OR6N1: variants seen among roughly 807,000 people sequenced by gnomAD.
OR6N1 encodes olfactory receptor 6N1.
For synonymous variants in OR6N1, 170 were observed against 150.7 expected (o/e 1.13, Z -0.94); for missense variants, 394 against 371.7 (o/e 1.06, Z -0.49).
the OR6N1 span, among the ~76,000 whole-genome samples, chr1:158,823,969 C>A: frequency 6.6e-5 from 10 of 152,002 alleles, no homozygotes; most frequent in Non-Finnish European, 1.3e-4. Flanking sequence ...ACTATTTATC[C>A]AAAGGTCAAT....
chr1:158,776,692 G>A (rs767540081), upstream of OR6N1: 1 of 1,591,564 alleles, frequency 6.3e-7, no homozygotes, highest in Non-Finnish European at 8.6e-7. Flanking sequence ...TCAAAGATGA[G>A]CAAGACTAGC....
At chr1:158,779,950 T>C in the OR6N1 span, among the ~76,000 whole-genome samples, 1 of 152,242 alleles carries the variant, frequency 6.6e-6, no homozygotes, top group Non-Finnish European at 1.5e-5. Flanking sequence ...TTAATTATTA[T>C]ATATTTCCCT....
chr1:158,772,616 A>G (rs12096284), upstream of OR6N1, among the ~76,000 whole-genome samples: 60,146 of 152,024 alleles, frequency 0.4, 12,624 homozygotes, highest in East Asian at 0.55. Flanking sequence ...GGACATAAAT[A>G]TCATCAAGAC....
chr1:158,791,976 A>G, the OR6N1 span, among the ~76,000 whole-genome samples: 91 of 152,278 alleles, frequency 6.0e-4, no homozygotes, highest in Non-Finnish European at 1.0e-3. Flanking sequence ...TTATCTGTCT[A>G]GTGCTGCCAG....
the OR6N1 span, among the ~76,000 whole-genome samples, chr1:158,787,356 A>G: frequency 6.6e-6 from 1 of 151,980 alleles, no homozygotes; most frequent in Non-Finnish European, 1.5e-5. Context: ...AATTAATCTC[A>G]AGTCCCAGTC....
chr1:158,804,272 G>T, the OR6N1 span, among the ~76,000 whole-genome samples: 1 of 152,102 alleles, frequency 6.6e-6, no homozygotes, highest in Admixed American at 6.6e-5. Flanking sequence ...TCTGCATGTG[G>T]TTTACTTTTT....
the OR6N1 span, among the ~76,000 whole-genome samples, chr1:158,820,563 T>A: frequency 1.3e-5 from 2 of 152,242 alleles, no homozygotes; most frequent in African/African-American, 4.8e-5. Flanking sequence ...GTTAGCATCA[T>A]AGTTACACAT....
In OR6N1 at chr1:158,765,675, T is replaced by C. The variant is rs1474140109; in HGVS notation, c.*69A>G. 17 of 1,288,188 alleles carry C rather than the reference T, an allele frequency of 1.3e-5. No individual in the cohort carries two copies. Among genetic ancestry groups the C allele is most frequent in the Non-Finnish European group, 2.2e-6 (2 of 916,940 alleles). 79.8% of individuals were successfully genotyped at this position (1,288,188 alleles called of 1,614,324 possible). The stretch of plus-strand genomic sequence containing the variant: ...AGCACTGAATTTTTAGTTTCTCGTC[T>C]CTGGCCACTGTTGATCCCTGGGGCC... On this transcript the variant is annotated 3_prime_UTR_variant, in exon 2 of 2. Transcript: ENST00000641846.
the OR6N1 span, among the ~76,000 whole-genome samples, chr1:158,819,744 C>T: frequency 1.1e-4 from 17 of 152,198 alleles, no homozygotes; most frequent in Non-Finnish European, 7.3e-5. Flanking sequence ...CTTATCTGCA[C>T]ACCCATCCAC....
At chr1:158,777,138 G>C (rs762767349), upstream of OR6N1, 2 of 1,614,026 alleles carry the variant, frequency 1.2e-6, no homozygotes, top group Non-Finnish European at 1.7e-6. Context: ...CACAAAATGG[G>C]AGCTGGGAGG....
chr1:158,773,692 A>T (rs1657481409), upstream of OR6N1, among the ~76,000 whole-genome samples: 2 of 152,106 alleles, frequency 1.3e-5, no homozygotes, highest in South Asian at 2.1e-4. Flanking sequence ...CACCACATGT[A>T]TTAAAAGACT....
the OR6N1 span, among the ~76,000 whole-genome samples, chr1:158,807,518 G>T: frequency 1.3e-5 from 2 of 152,176 alleles, no homozygotes; most frequent in Non-Finnish European, 2.9e-5. Flanking sequence ...TAGAGGAGCT[G>T]GAGAGAAAAG....
the OR6N1 span, among the ~76,000 whole-genome samples, chr1:158,827,944 T>C: frequency 6.6e-6 from 1 of 152,272 alleles, no homozygotes; most frequent in African/African-American, 2.4e-5. Flanking sequence ...GAAGCGCAAG[T>C]CACATCTTAC....
the OR6N1 span, among the ~76,000 whole-genome samples, chr1:158,796,364 G>T: frequency 7.9e-5 from 12 of 152,244 alleles, no homozygotes; most frequent in African/African-American, 2.9e-4. Flanking sequence ...TTTTAGATTT[G>T]CTCCTCTGAG....
the OR6N1 span, among the ~76,000 whole-genome samples, chr1:158,787,982 G>T: frequency 6.6e-6 from 1 of 152,172 alleles, no homozygotes; most frequent in Non-Finnish European, 1.5e-5. Context: ...AATTTGAGCA[G>T]ACCTGGTAAG....
the OR6N1 span, among the ~76,000 whole-genome samples, chr1:158,790,869 G>A: frequency 6.6e-6 from 1 of 152,118 alleles, no homozygotes; most frequent in Non-Finnish European, 1.5e-5. Flanking sequence ...GGACCAGATG[G>A]GGGTGATTGG....
the OR6N1 span, among the ~76,000 whole-genome samples, chr1:158,827,747 T>C: frequency 2.0e-5 from 3 of 152,324 alleles, no homozygotes; most frequent in East Asian, 1.9e-4. Flanking sequence ...TTGTGCGTTG[T>C]CTGGTGGAGA....
the OR6N1 span, among the ~76,000 whole-genome samples, chr1:158,838,861 G>A: frequency 6.6e-6 from 1 of 152,084 alleles, no homozygotes; most frequent in Non-Finnish European, 1.5e-5. Flanking sequence ...GTGGGCTGAG[G>A]AACCCCTCTA....
the OR6N1 span, chr1:158,777,254 G>C: frequency 3.7e-6 from 6 of 1,614,096 alleles, no homozygotes; most frequent in Non-Finnish European, 5.1e-6. Context: ...TGGAGGGGCC[G>C]ACAAATGGCC....
Sources: gnomAD v4.1 joint callset for allele counts (sites outside exome capture counted in the v4.1 genomes callset) on GRCh38, gnomAD v4.1.1 for gene constraint, MANE v1.5 for transcripts, NCBI Gene and HGNC (gene_info 2026-07-23, HGNC 2026-07-21) for gene names.